NOA1: variants seen among roughly 807,000 people sequenced by gnomAD.
NOA1 encodes nitric oxide associated 1.
A neutral mutation model predicts 58.4 loss-of-function variants in NOA1; 35 were observed. The observed-to-expected ratio is 0.60, with a 90% CI of 0.46 to 0.79. NOA1 has a LOEUF of 0.79. Ranked by LOEUF, NOA1 falls within the 30% of genes least tolerant of loss-of-function variation. The probability of loss-of-function intolerance (pLI) is 0.00; values close to 1 mark genes in which losing one functional copy is unlikely to be tolerated. For synonymous variants in NOA1, 397 were observed against 373.4 expected (o/e 1.06, Z -0.73); for missense variants, 895 against 894.6 (o/e 1.00, Z -0.01).
intron 1 of NOA1, 58 bp from the exon 2 acceptor site, chr4:56,974,080 A>T: frequency 9.3e-7 from 1 of 1,073,880 alleles, no homozygotes; most frequent in Non-Finnish European, 1.3e-6. Flanking sequence ...AAGAAAATGA[A>T]CATTTTTGAG....
In NOA1 at chr4:56,969,299, G is replaced by A. The variant is rs142880851; in HGVS notation, c.1516-784C>T. Among the ~76,000 whole-genome samples the A allele has an allele frequency of 2.0e-3, 308 of 152,312 alleles. 4 individuals carry two copies. The East Asian group carries it at 0.053, about 26-fold the overall frequency. ...CTTCTTTCTTAACAAGAGGCTGGGC[G>A]CGGTGGCTCACGCCTGTAATCCCAG... is the stretch of plus-strand genomic sequence containing the variant. On this transcript the variant is annotated intron_variant, in intron 3 of 6. Transcript: ENST00000264230.
intron 5 of NOA1, among the ~76,000 whole-genome samples, chr4:56,965,616 C>T (rs188563830): frequency 2.4e-4 from 36 of 150,652 alleles, no homozygotes; most frequent in African/African-American, 6.3e-4. Flanking sequence ...AAGATATTTT[C>T]GGTCGCCACA....
Position 56,976,964 on chromosome 4 carries a change from C to A in NOA1, c.622G>T (p.Ala208Ser), listed in dbSNP as rs1216975753. ...AGGGAGGGGCCGGGCCGCCGCAACG[C>A]GGCGCTCACCAGCTCCAGGTACTGC... ...REQYLELVSA[A>S]LRRPGPSLVL... The change falls in exon 1 of 7, where the codon GCG becomes TCG. Residue 208 changes from alanine (A) to serine (S), a missense_variant. By Grantham distance (99) the Ala-to-Ser change is moderately conservative. This residue lies in a region of NOA1 where 680 missense variants were observed against 656.5 expected (regional missense o/e 1.04). Coordinates refer to ENST00000264230, the MANE Select transcript of NOA1 (RefSeq NM_032313.4). The A allele has an allele frequency of 1.2e-6, 2 of 1,600,554 alleles. No homozygotes were observed. The highest frequency in any genetic ancestry group is 1.3e-5 in the African/African-American group (1 of 74,778).
rs1366612973 is a variant in NOA1, at chr4:56,964,448, C to T, written c.1843G>A (p.Gly615Arg). 1 of 1,614,012 alleles carries T rather than the reference C, an allele frequency of 6.2e-7. No homozygotes were observed. The highest frequency in any genetic ancestry group is 8.5e-7 in the Non-Finnish European group (1 of 1,180,032). Residue 615 changes from glycine to arginine, a missense_variant, in exon 6 of 7, where the codon GGG becomes AGG. Gly to Arg is a moderately radical substitution (Grantham distance 125). Coordinates refer to ENST00000264230, the MANE Select transcript of NOA1 (RefSeq NM_032313.4). ...AEDIMLKEGLGASEAVADIKF... is the reference protein window; with the variant it reads ...AEDIMLKEGLRASEAVADIKF... ...ATGTCGGCCACTGCTTCAGATGCCC[C>T]CAGTCCTTCTTTTAACATAATGTCT... is the stretch of plus-strand genomic sequence containing the variant.
chr4:56,973,152 T>C lies in NOA1; in HGVS notation c.1511A>G (p.Asn504Ser), dbSNP rs1654937703. Residue 504 changes from asparagine to serine, a missense_variant, in exon 3 of 7, where the codon AAT (asparagine) becomes AGT (serine). Transcript: ENST00000264230. ...FYDTPGITKE[N>S]CILNLLTEKE... ...TAAAAGAAACCAAATACATACACAA[T>C]TTTCTTTTGTAATTCCAGGGGTGTC... 6.2e-7 allele frequency: 1 copy of C among 1,613,566 alleles called. No homozygotes were observed. Among genetic ancestry groups the C allele is most frequent in the Non-Finnish European group, 8.5e-7 (1 of 1,179,572 alleles).
rs1278404349 is a variant in NOA1 at position 56,977,035 on chromosome 4, A to G, written c.551T>C (p.Leu184Pro). The change falls in exon 1 of 7, where the codon CTG becomes CCG. Residue 184 changes from leucine to proline, a missense_variant. By Grantham distance (98) the Leu-to-Pro change is moderately conservative. Coordinates refer to ENST00000264230, the MANE Select transcript of NOA1 (RefSeq NM_032313.4). ...TAGAGCGCGCCGGTGGTGCGACAGCAGCCAGCAGCGCTGGCACACGGTCCG... is the reference window on the plus strand; with the variant it reads ...TAGAGCGCGCCGGTGGTGCGACAGCGGCCAGCAGCGCTGGCACACGGTCCG... ...LARTVCQRCW[L>P]LSHHRRALRL... 1.3e-6 allele frequency: 2 copies of G among 1,586,322 alleles called. No homozygotes were observed. The highest frequency in any genetic ancestry group is 1.7e-6 in the Non-Finnish European group (2 of 1,171,398).
In NOA1 at chr4:56,976,640, T is replaced by G. The variant is rs368739181; in HGVS notation, c.946A>C (p.Ile316Leu). 3.1e-6 allele frequency: 5 copies of G among 1,614,184 alleles called. No individual in the cohort carries two copies. The highest frequency in any genetic ancestry group is 4.2e-6 in the Non-Finnish European group (5 of 1,180,024). ...ACTCCATAGCCGGTCTTGGCGCTGA[T>G]CAGCCGCACGTCCCTGACCACTGTG... is the stretch of plus-strand genomic sequence containing the variant. ...SRTVVRDVRLISAKTGYGVEE... is the reference protein window; with the variant it reads ...SRTVVRDVRLLSAKTGYGVEE... Residue 316 changes from isoleucine to leucine, a missense_variant, in exon 1 of 7, where the codon ATC becomes CTC. Transcript: ENST00000264230.
chr4:56,977,477 C>A lies in NOA1; in HGVS notation c.109G>T (p.Ala37Ser), dbSNP rs1240831089. 3.7e-6 allele frequency: 6 copies of A among 1,613,816 alleles called. No individual in the cohort carries two copies. Among genetic ancestry groups the A allele is most frequent in the Non-Finnish European group, 5.1e-6 (6 of 1,180,042 alleles). ...LREPLLERRC[A>S]AASSFQHSSS... ...GAGTGCTGGAAGGAGGAGGCGGCAG[C>A]GCACCTCCTCTCCAGGAGCGGCTCC... The change falls in exon 1 of 7, where the codon GCT becomes TCT. Residue 37 changes from alanine (A) to serine (S), a missense_variant. Physicochemically the swap from Ala to Ser is moderately conservative, Grantham distance 99. Transcript: ENST00000264230.
intron 2 of NOA1, 78 bp downstream of exon 2, chr4:56,973,780 G>A (rs925571490): frequency 3.3e-5 from 48 of 1,433,826 alleles, no homozygotes; most frequent in African/African-American, 1.4e-4. Flanking sequence ...GGCTAGCCTC[G>A]GACAGCTGTA....
chr4:56,967,766 C>G (rs975005389), intron 4 of NOA1, among the ~76,000 whole-genome samples: 2 of 152,100 alleles, frequency 1.3e-5, no homozygotes, highest in African/African-American at 4.8e-5. Context: ...AAAGGTTTGA[C>G]TTTATCCCAT....
intron 3 of NOA1, 50 bp downstream of exon 3, chr4:56,973,097 AT>A (rs761018882): frequency 6.5e-7 from 1 of 1,538,420 alleles, no homozygotes. Context: ...ATATAAACCC[AT>A]TAAAAAAGAA....
At chr4:56,972,143 C>G (rs530890342) in intron 3 of NOA1, among the ~76,000 whole-genome samples, 1 of 152,188 alleles carries the variant, frequency 6.6e-6, no homozygotes, top group Non-Finnish European at 1.5e-5. Context: ...GCCTGGGCCT[C>G]CCAAAGTGCT....
chr4:56,970,524 G>A (rs573892313), intron 3 of NOA1, among the ~76,000 whole-genome samples: 2 of 151,466 alleles, frequency 1.3e-5, no homozygotes, highest in African/African-American at 4.8e-5. Flanking sequence ...GCATGATCTC[G>A]GCTCACTGCA....
chr4:56,976,886 AGTCGGGCAGCAGGGC>A lies in NOA1; in HGVS notation c.685_699del (p.Ala229_Asp233del), dbSNP rs746496253. The A allele has an allele frequency of 8.1e-6, 13 of 1,613,008 alleles. No homozygotes were observed. In the South Asian group the frequency reaches 1.4e-4, roughly 18 times the overall value. Reference sequence around the variant, plus strand: ...TGCTTGGGGCCCACCAGCGCGGGCAAGTCGGGCAGCAGGGCGTCGGGCAGGTCCAGCAGGTCCACC... The same window carrying A: ...TGCTTGGGGCCCACCAGCGCGGGCAAGTCGGGCAGGTCCAGCAGGTCCACC... On this transcript the variant is annotated inframe_deletion, in exon 1 of 7. Coordinates refer to ENST00000264230, the MANE Select transcript of NOA1 (RefSeq NM_032313.4).
In NOA1 at chr4:56,966,651, T is replaced by C; in HGVS notation, c.1733A>G (p.Tyr578Cys). Residue 578 changes from tyrosine (Y) to cysteine (C), a missense_variant, in exon 5 of 7, where the codon TAT (tyrosine) becomes TGT (cysteine). Around this residue, in one of 3 missense-constraint regions of NOA1, gnomAD observed 212 missense variants for 221.3 expected, o/e 0.96. Transcript: ENST00000264230. ...ITSLDRADAL[Y>C]QKHAGHTLLQ... The stretch of plus-strand genomic sequence containing the variant: ...TAACGTATGACCTGCATGCTTCTGA[T>C]ACAGAGCGTCTGCCCTGTCCAAGGA... 6.2e-7 allele frequency: 1 copy of C among 1,612,760 alleles called. No individual in the cohort carries two copies. The highest frequency in any genetic ancestry group is 8.5e-7 in the Non-Finnish European group (1 of 1,178,770).
At position 56,973,365 on chromosome 4, in the gene NOA1, T is replaced by C; in HGVS notation, c.1310-12A>G. On this transcript the variant is annotated splice_polypyrimidine_tract_variant and intron_variant, in intron 2 of 6. Transcript: ENST00000264230. ...CCTTCCAACTCTTCCTAGAACAAGT[T>C]ATAGTAAGGTTATTAGTCACTCCTT... The C allele has an allele frequency of 6.2e-7, 1 of 1,604,686 alleles. No individual in the cohort carries two copies. Among genetic ancestry groups the C allele is most frequent in the Non-Finnish European group, 8.5e-7 (1 of 1,171,510 alleles).
intron 1 of NOA1, among the ~76,000 whole-genome samples, chr4:56,975,396 C>G (rs1039834470): frequency 6.8e-6 from 1 of 147,620 alleles, no homozygotes; most frequent in Non-Finnish European, 1.5e-5. Context: ...TTTGGGAGGA[C>G]GAGGTGGGCA....
chr4:56,964,618 G>T, intron 5 of NOA1, 92 bp from the exon 6 acceptor site: 1 of 1,347,074 alleles, frequency 7.4e-7, no homozygotes, highest in Non-Finnish European at 1.0e-6. Flanking sequence ...TTCTGTACAG[G>T]GATCAAGAAT....
intron 1 of NOA1, among the ~76,000 whole-genome samples, chr4:56,975,579 T>C (rs1578542654): frequency 6.7e-6 from 1 of 148,704 alleles, no homozygotes; most frequent in Non-Finnish European, 1.5e-5. Flanking sequence ...CCATCTCTAC[T>C]GAAAATACAA....
Sources: allele counts gnomAD v4.1 joint callset (sites outside exome capture counted in the v4.1 genomes callset), GRCh38; gene constraint gnomAD v4.1.1; regional missense constraint gnomAD v4.1.1; transcripts MANE v1.5; gene names NCBI Gene and HGNC (gene_info 2026-07-23, HGNC 2026-07-21).